The following FSIP1 variants were observed in gnomAD, a reference collection of about 807,000 sequenced individuals.
FSIP1 encodes the protein fibrous sheath interacting protein 1.
A neutral mutation model predicts 60.9 loss-of-function variants in FSIP1; 65 were observed. That is an observed-to-expected ratio of 1.07 (90% confidence interval 0.87 to 1.31). The LOEUF is 1.31. FSIP1 is among the 40% of genes most tolerant of loss of function. The pLI is 0.00. For missense variants in FSIP1, 675 were observed against 665.5 expected (o/e 1.01, Z -0.16); for synonymous variants, 209 against 221.2 (o/e 0.94, Z 0.49).
intron 4 of FSIP1, among the ~76,000 whole-genome samples, chr15:39,765,373 T>TAGGGC (rs1180655288): frequency 6.6e-6 from 1 of 151,196 alleles, no homozygotes; most frequent in African/African-American, 2.4e-5. Context: ...CCCAAGTAGC[T>TAGGGC]AGGGCAACAA....
chr15:39,613,773 T>C (rs920929023), intron 11 of FSIP1, among the ~76,000 whole-genome samples: 2 of 152,196 alleles, frequency 1.3e-5, no homozygotes, highest in Non-Finnish European at 2.9e-5. Context: ...ATGGGCTTTA[T>C]CCCTGGTATG....
intron 10 of FSIP1, among the ~76,000 whole-genome samples, chr15:39,654,096 A>G (rs754399048): frequency 2.6e-5 from 4 of 152,212 alleles, no homozygotes; most frequent in Non-Finnish European, 5.9e-5. Flanking sequence ...TCCTACGACA[A>G]CAATGTCTTC....
chr15:39,770,636 A>G (rs1897853451), intron 2 of FSIP1, 26 bp from the exon 3 acceptor site: 1 of 1,390,118 alleles, frequency 7.2e-7, no homozygotes, highest in Non-Finnish European at 9.5e-7. Flanking sequence ...AAAAAAAAAC[A>G]GTTTCCGAAA....
intron 10 of FSIP1, among the ~76,000 whole-genome samples, chr15:39,645,291 G>A (rs1459092874): frequency 2.6e-5 from 4 of 152,226 alleles, no homozygotes; most frequent in Non-Finnish European, 4.4e-5. Context: ...GTCAGCTGCA[G>A]CAGGGAGGCG....
chr15:39,673,585 G>A (rs1050247743), intron 10 of FSIP1, among the ~76,000 whole-genome samples: 3 of 152,104 alleles, frequency 2.0e-5, no homozygotes, highest in Non-Finnish European at 4.4e-5. Flanking sequence ...CAAAGCACTG[G>A]GATTACGAAG....
intron 11 of FSIP1, among the ~76,000 whole-genome samples, chr15:39,611,162 T>A (rs544217726): frequency 6.6e-6 from 1 of 152,272 alleles, no homozygotes; most frequent in South Asian, 2.1e-4. Context: ...GCAGCTATAA[T>A]AAATTGTTAA....
At chr15:39,672,744 A>G (rs1466284489) in intron 10 of FSIP1, among the ~76,000 whole-genome samples, 2 of 152,252 alleles carry the variant, frequency 1.3e-5, no homozygotes, top group African/African-American at 4.8e-5. Context: ...CATAGCTGGT[A>G]AGGAGAAGAG....
intron 2 of FSIP1, 122 bp from the exon 3 acceptor site, chr15:39,770,732 A>G (rs1396471257): frequency 3.6e-6 from 2 of 550,804 alleles, no homozygotes; most frequent in Non-Finnish European, 3.1e-6. Context: ...TGCATACACT[A>G]GCATTAAAGT....
chr15:39,694,672 T>C (rs944587502), intron 10 of FSIP1, among the ~76,000 whole-genome samples: 1 of 151,886 alleles, frequency 6.6e-6, no homozygotes, highest in African/African-American at 2.4e-5. Context: ...TGGTGGTGGG[T>C]GCCTCTAATC....
At chr15:39,601,621 T>C (rs557704478) in intron 11 of FSIP1, among the ~76,000 whole-genome samples, 4 of 152,292 alleles carry the variant, frequency 2.6e-5, no homozygotes, top group African/African-American at 7.2e-5. Flanking sequence ...CAACATTATA[T>C]GTAATAGCCA....
chr15:39,603,045 CAA>C (rs1890697975), intron 11 of FSIP1, among the ~76,000 whole-genome samples: 1 of 152,170 alleles, frequency 6.6e-6, no homozygotes, highest in Non-Finnish European at 1.5e-5. Context: ...CTACTGACAT[CAA>C]GTCAGTAAAA....
intron 6 of FSIP1, among the ~76,000 whole-genome samples, chr15:39,741,297 T>C (rs1344832411): frequency 2.0e-5 from 3 of 152,242 alleles, no homozygotes; most frequent in Non-Finnish European, 4.4e-5. Context: ...ACTGGAAATG[T>C]CCTCTTCTCC....
chr15:39,633,091 C>CT (rs869063502), intron 10 of FSIP1, among the ~76,000 whole-genome samples: 3,907 of 112,842 alleles, frequency 0.035, 148 homozygotes, highest in Middle Eastern at 0.049. Context: ...GGCTATACTT[C>CT]TTTTTTTTTT....
chr15:39,609,088 C>T (rs1198219274), intron 11 of FSIP1, among the ~76,000 whole-genome samples: 7 of 152,118 alleles, frequency 4.6e-5, no homozygotes, highest in East Asian at 1.9e-4. Flanking sequence ...TATTATCTCC[C>T]GGGAAACACT....
chr15:39,711,066 T>C (rs139064534), intron 10 of FSIP1, among the ~76,000 whole-genome samples: 62 of 152,308 alleles, frequency 4.1e-4, no homozygotes, highest in African/African-American at 1.4e-3. Context: ...AGAGATGTGG[T>C]AGAAAGTAAC....
intron 3 of FSIP1, among the ~76,000 whole-genome samples, chr15:39,769,861 T>G (rs1354338436): frequency 6.6e-6 from 1 of 152,190 alleles, no homozygotes; most frequent in East Asian, 1.9e-4. Flanking sequence ...AATGTCAGTA[T>G]GGTGGACACA....
intron 11 of FSIP1, among the ~76,000 whole-genome samples, chr15:39,606,497 A>T (rs1890829012): frequency 6.6e-6 from 1 of 152,172 alleles, no homozygotes; most frequent in African/African-American, 2.4e-5. Flanking sequence ...AGCTATCTGA[A>T]AATATATATT....
chr15:39,741,051 T>C (rs1008290485), intron 6 of FSIP1, among the ~76,000 whole-genome samples: 46 of 152,188 alleles, frequency 3.0e-4, no homozygotes, highest in Non-Finnish European at 4.4e-5. Context: ...AGTGGCCTAA[T>C]AGATACAAAA....
chr15:39,728,086 G>C (rs1009315393), intron 8 of FSIP1, among the ~76,000 whole-genome samples: 1 of 152,114 alleles, frequency 6.6e-6, no homozygotes, highest in Non-Finnish European at 1.5e-5. Context: ...CCAGGGAGGT[G>C]AAAGACCTCT....
Sources: gnomAD v4.1 joint callset for allele counts (sites outside exome capture counted in the v4.1 genomes callset) on GRCh38, gnomAD v4.1.1 for gene constraint, MANE v1.5 for transcripts, NCBI Gene and HGNC (gene_info 2026-07-23, HGNC 2026-07-21) for gene names.